ABTB2: variants seen among roughly 807,000 people sequenced by gnomAD.
The protein encoded by ABTB2 is ankyrin repeat and BTB domain containing 2, also known as ankyrin repeat and BTB/POZ domain-containing protein 2.
A neutral mutation model predicts 104.1 loss-of-function variants in ABTB2; 56 were observed. That is an observed-to-expected ratio of 0.54 (90% confidence interval 0.43 to 0.67). The LOEUF is 0.67. Among genes scored for constraint, ABTB2 ranks in the 30% least tolerant of loss-of-function variants. The probability of loss-of-function intolerance (pLI) is 0.00; values close to 1 mark genes in which losing one functional copy is unlikely to be tolerated. For missense variants in ABTB2, 1,279 were observed against 1,407.7 expected, an observed-to-expected ratio of 0.91 and a Z score of 1.46; for synonymous variants, 606 against 608.2, an observed-to-expected ratio of 1.00 and a Z score of 0.05.
intron 1 of ABTB2, among the ~76,000 whole-genome samples, chr11:34,226,965 G>C (rs1439498882): frequency 6.6e-6 from 1 of 152,108 alleles, no homozygotes; most frequent in East Asian, 1.9e-4. Flanking sequence ...ACTCTCCTGA[G>C]GCAGGAGAAT....
At chr11:34,337,764 T>C (rs992659246) in intron 1 of ABTB2, among the ~76,000 whole-genome samples, 2 of 152,024 alleles carry the variant, frequency 1.3e-5, no homozygotes, top group Admixed American at 1.3e-4. Flanking sequence ...ATTCGGCAAA[T>C]AACAACCTAT....
rs145850345 is a variant in ABTB2, at chr11:34,152,525, C to T, written c.2940G>A (p.Lys980=). ...FCEGFFLKHM[K]ALLEQDAFRQ... ...GGAAGGCATCCTGCTCCAGTAGGGC[C>T]TTCATGTGCTTGAGGAAGAAGCCCT... is the stretch of plus-strand genomic sequence containing the variant. The change falls in exon 17 of 17, where the codon AAG becomes AAA. Residue 980 remains lysine (K), a synonymous_variant. Coordinates refer to ENST00000435224, the MANE Select transcript of ABTB2 (RefSeq NM_145804.3). 6.2e-7 allele frequency: 1 copy of T among 1,612,228 alleles called. No homozygotes were observed. Among genetic ancestry groups the T allele is most frequent in the South Asian group, 1.1e-5 (1 of 90,470 alleles).
rs75228507 is a variant in ABTB2 at position 34,193,928 on chromosome 11, C to T, written c.1244+3397G>A. Among the ~76,000 whole-genome samples the T allele has an allele frequency of 3.4e-3, 523 of 152,356 alleles. 5 individuals carry two copies. Among genetic ancestry groups the T allele is most frequent in the Middle Eastern group, 0.017 (5 of 294 alleles). On this transcript the variant is annotated intron_variant, in intron 3 of 16. Coordinates refer to ENST00000435224, the MANE Select transcript of ABTB2 (RefSeq NM_145804.3). The stretch of plus-strand genomic sequence containing the variant: ...TCCTCCCACTGTCTCTTCTCCCAAA[C>T]CAGAGCAGAGAGCTCTGGGGAGAAG...
intron 1 of ABTB2, among the ~76,000 whole-genome samples, chr11:34,276,006 C>T (rs539958048): frequency 6.6e-6 from 1 of 152,102 alleles, no homozygotes; most frequent in African/African-American, 2.4e-5. Flanking sequence ...TGAACAGAAA[C>T]CTTTTCACAT....
At chr11:34,273,189 G>A (rs559457522) in intron 1 of ABTB2, among the ~76,000 whole-genome samples, 86 of 152,200 alleles carry the variant, frequency 5.7e-4, no homozygotes, top group African/African-American at 1.8e-3. Context: ...GGAAAATCTT[G>A]GCCTGACTTC....
chr11:34,349,926 C>T (rs1855378342), intron 1 of ABTB2, among the ~76,000 whole-genome samples: 1 of 152,246 alleles, frequency 6.6e-6, no homozygotes, highest in African/African-American at 2.4e-5. Context: ...TGAGGAATTA[C>T]AGCCAGGCAG....
intron 1 of ABTB2, among the ~76,000 whole-genome samples, chr11:34,322,115 A>G (rs907756558): frequency 2.0e-5 from 3 of 152,204 alleles, no homozygotes; most frequent in African/African-American, 7.2e-5. Context: ...TCTAAGCTAC[A>G]TATCTGGCCA....
intron 1 of ABTB2, among the ~76,000 whole-genome samples, chr11:34,354,024 C>G (rs190731075): frequency 3.9e-4 from 59 of 152,318 alleles, no homozygotes; most frequent in African/African-American, 1.4e-3. Flanking sequence ...TTCATTGCCC[C>G]TCTACTAAAC....
intron 1 of ABTB2, among the ~76,000 whole-genome samples, chr11:34,231,184 A>C (rs560212098): frequency 3.1e-4 from 47 of 152,360 alleles, no homozygotes; most frequent in African/African-American, 1.1e-3. Context: ...GCCAACCGAA[A>C]GCGCTCTCAA....
chr11:34,269,500 T>G (rs1359201698), intron 1 of ABTB2, among the ~76,000 whole-genome samples: 1 of 152,134 alleles, frequency 6.6e-6, no homozygotes. Flanking sequence ...TCTCTAAGGG[T>G]CAGGTAGCAA....
intron 1 of ABTB2, among the ~76,000 whole-genome samples, chr11:34,266,883 G>A (rs1854257875): frequency 6.6e-6 from 1 of 151,964 alleles, no homozygotes; most frequent in Non-Finnish European, 1.5e-5. Flanking sequence ...GGAGGGGAGG[G>A]AGAGGCGGGG....
At chr11:34,268,002 C>T (rs1477983592) in intron 1 of ABTB2, among the ~76,000 whole-genome samples, 3 of 152,104 alleles carry the variant, frequency 2.0e-5, no homozygotes, top group Non-Finnish European at 2.9e-5. Context: ...TTGATCTCGG[C>T]TCACTACAAC....
At position 34,357,311 on chromosome 11, in the gene ABTB2, G is replaced by A. The variant is rs1231441911; in HGVS notation, c.273C>T (p.Leu91=). Residue 91 remains leucine (L), a synonymous_variant, in exon 1 of 17, where the codon CTC becomes CTT. Transcript: ENST00000435224. ...VADLFSRCPR[L]PELEEFPWTE... is the part of the protein sequence containing the mutation. ...TCCAGGGGAACTCCTCCAGCTCGGG[G>A]AGCCGCGGACAGCGCGAGAAGAGGT... 6 of 1,513,526 alleles carry A rather than the reference G, an allele frequency of 4.0e-6. No homozygotes were observed. The highest frequency in any genetic ancestry group is 1.7e-4 in the Middle Eastern group (1 of 5,826). The allele number at this position is 1,513,526 out of a possible 1,614,324, so 93.8% of individuals were successfully genotyped here.
chr11:34,185,338 G>A (rs960287002), intron 3 of ABTB2, among the ~76,000 whole-genome samples: 4 of 152,216 alleles, frequency 2.6e-5, no homozygotes, highest in African/African-American at 9.7e-5. Context: ...CAGAGAGAGA[G>A]GAAGAGACAG....
chr11:34,349,689 A>T (rs1161486800), intron 1 of ABTB2, among the ~76,000 whole-genome samples: 2 of 152,216 alleles, frequency 1.3e-5, no homozygotes, highest in African/African-American at 4.8e-5. Context: ...GCTGTGTTTC[A>T]CAGCCAAGGG....
intron 1 of ABTB2, among the ~76,000 whole-genome samples, chr11:34,243,077 A>T (rs1853939366): frequency 6.6e-6 from 1 of 152,112 alleles, no homozygotes; most frequent in Admixed American, 6.5e-5. Context: ...CTCCAGGAGG[A>T]AATGCCTGCC....
intron 1 of ABTB2, among the ~76,000 whole-genome samples, chr11:34,264,194 TA>T (rs1236889581): frequency 6.6e-6 from 1 of 152,152 alleles, no homozygotes; most frequent in East Asian, 1.9e-4. Flanking sequence ...AAGCCCTGAA[TA>T]GGGAGTATAG....
intron 1 of ABTB2, among the ~76,000 whole-genome samples, chr11:34,225,367 C>A (rs940805544): frequency 6.6e-6 from 1 of 152,188 alleles, no homozygotes; most frequent in Admixed American, 6.5e-5. Context: ...TGGCTGAAGT[C>A]GCCAGCTGTA....
chr11:34,354,427 C>A lies in ABTB2; in HGVS notation c.883+2274G>T, dbSNP rs1035991246. On this transcript the variant is annotated intron_variant, in intron 1 of 16. Transcript: ENST00000435224. ...CTGCTGGAGCCCAGGAGTTTGAAAC[C>A]AGCCTGGGCAACATAGCAAAACCCT... Among the ~76,000 whole-genome samples the A allele has an allele frequency of 1.8e-3, 266 of 145,162 alleles. 1 individual carries two copies. The highest frequency in any genetic ancestry group is 6.6e-3 in the African/African-American group (257 of 38,926).
Sources: allele counts gnomAD v4.1 joint callset (sites outside exome capture counted in the v4.1 genomes callset), GRCh38; gene constraint gnomAD v4.1.1; transcripts MANE v1.5; gene names NCBI Gene and HGNC (gene_info 2026-07-23, HGNC 2026-07-21).